The following MALRD1 variants were observed in gnomAD, a reference collection of about 807,000 sequenced individuals.
The protein encoded by MALRD1 is MAM and LDL receptor class A domain containing 1.
In MALRD1, 247 loss-of-function variants were observed where a neutral mutation model predicts 242.1. The ratio of observed to expected loss-of-function variants is 1.02; its 90% CI spans 0.92 to 1.13. The LOEUF (loss-of-function observed/expected upper bound fraction) is 1.13. Ranked by LOEUF, MALRD1 falls within the 50% of genes most tolerant of loss-of-function variation. The pLI is 0.00. For missense variants in MALRD1, 2,989 were observed against 2,533.1 expected (o/e 1.18, Z -3.86); for synonymous variants, 995 against 866.6 (o/e 1.15, Z -2.60).
At chr10:19,128,179 T>G (rs2131392424) in intron 7 of MALRD1, 42 bp from the exon 8 acceptor site, 1 of 1,202,902 alleles carries the variant, frequency 8.3e-7, no homozygotes, top group Non-Finnish European at 1.0e-6. Context: ...AGAAAGAAGC[T>G]AATGTTTTCC....
At chr10:19,726,141 A>T (rs572364211) in intron 38 of MALRD1, among the ~76,000 whole-genome samples, 1 of 152,232 alleles carries the variant, frequency 6.6e-6, no homozygotes, top group Non-Finnish European at 1.5e-5. Context: ...GCAACAAAAG[A>T]CATTATCAAG....
intron 36 of MALRD1, among the ~76,000 whole-genome samples, chr10:19,689,420 A>G (rs937275070): frequency 2.6e-5 from 4 of 152,194 alleles, no homozygotes; most frequent in Admixed American, 6.5e-5. Flanking sequence ...TGTAATAAAC[A>G]TCACGTGACC....
intron 26 of MALRD1, among the ~76,000 whole-genome samples, chr10:19,362,704 T>C (rs1198453008): frequency 6.6e-6 from 1 of 152,074 alleles, no homozygotes; most frequent in Non-Finnish European, 1.5e-5. Context: ...TTGAGCAAAA[T>C]GGATAAAACC....
chr10:19,695,988 CAT>C (rs1359162314), intron 38 of MALRD1, among the ~76,000 whole-genome samples: 2 of 152,162 alleles, frequency 1.3e-5, no homozygotes, highest in Non-Finnish European at 2.9e-5. Context: ...TCCAATGACA[CAT>C]GAGAATTATT....
Position 19,618,830 on chromosome 10 carries a change from A to G in MALRD1, c.6137+2907A>G, listed in dbSNP as rs74988120. On this transcript the variant is annotated intron_variant, in intron 36 of 39. Coordinates refer to ENST00000454679, the MANE Select transcript of MALRD1 (RefSeq NM_001142308.3). ...TCTTTCTCATTACCTGATTTCTGGG[A>G]TATCACTGCCCATGCCTGTCACTCT... is the stretch of plus-strand genomic sequence containing the variant. Among the ~76,000 whole-genome samples the G allele has an allele frequency of 2.6e-3, 400 of 152,058 alleles. 7 individuals are homozygous for G. The East Asian group carries it at 0.06, about 23-fold the overall frequency.
chr10:19,603,132 A>G (rs1012334730), intron 34 of MALRD1, among the ~76,000 whole-genome samples: 2 of 152,004 alleles, frequency 1.3e-5, no homozygotes, highest in South Asian at 2.1e-4. Context: ...ATTTTCTCCC[A>G]TTCTGTAGGT....
intron 29 of MALRD1, among the ~76,000 whole-genome samples, chr10:19,486,990 G>A (rs922395034): frequency 1.3e-4 from 19 of 151,898 alleles, no homozygotes; most frequent in African/African-American, 4.4e-4. Flanking sequence ...TATTTTCCAC[G>A]GCCTTCATAG....
chr10:19,163,107 C>CAGCCTGA (rs1834504837), intron 12 of MALRD1, among the ~76,000 whole-genome samples: 1 of 128,906 alleles, frequency 7.8e-6, no homozygotes, highest in African/African-American at 3.0e-5. Context: ...CACTGCACTC[C>CAGCCTGA]AGCCTGAACA....
intron 18 of MALRD1, among the ~76,000 whole-genome samples, chr10:19,247,484 C>T (rs1018077814): frequency 2.6e-5 from 4 of 151,574 alleles, no homozygotes; most frequent in Admixed American, 2.6e-4. Context: ...AGGCTAATGC[C>T]TTATTGTAAG....
At chr10:19,210,791 C>A (rs1047000671) in intron 18 of MALRD1, among the ~76,000 whole-genome samples, 1 of 152,114 alleles carries the variant, frequency 6.6e-6, no homozygotes, top group African/African-American at 2.4e-5. Flanking sequence ...AGCATGAGAA[C>A]GAATCCCCCA....
intron 18 of MALRD1, among the ~76,000 whole-genome samples, chr10:19,238,276 T>C (rs577719854): frequency 3.8e-5 from 3 of 79,654 alleles, no homozygotes; most frequent in South Asian, 8.0e-4. Flanking sequence ...ATATATAATA[T>C]GTAATATACA....
At chr10:19,158,107 T>C (rs1834243921) in intron 12 of MALRD1, among the ~76,000 whole-genome samples, 1 of 152,246 alleles carries the variant, frequency 6.6e-6, no homozygotes, top group African/African-American at 2.4e-5. Context: ...ATCTTACTGC[T>C]GTTGAAATGC....
intron 18 of MALRD1, among the ~76,000 whole-genome samples, chr10:19,241,738 T>A (rs1301234300): frequency 6.6e-6 from 1 of 152,138 alleles, no homozygotes; most frequent in Non-Finnish European, 1.5e-5. Context: ...TTCCATAGGT[T>A]TGGGTATGTT....
At chr10:19,204,499 T>C in intron 16 of MALRD1, 86 bp downstream of exon 16, 1 of 832,034 alleles carries the variant, frequency 1.2e-6, no homozygotes, top group East Asian at 2.8e-5. Context: ...CACTTATTCA[T>C]TTCTGTGGTT....
chr10:19,447,734 A>C (rs1210654860), intron 28 of MALRD1, among the ~76,000 whole-genome samples: 1 of 85,284 alleles, frequency 1.2e-5, no homozygotes, highest in Non-Finnish European at 2.8e-5. Flanking sequence ...TAGGAGTCAG[A>C]TAGACCACCC....
Position 19,270,066 on chromosome 10 carries a change from G to A in MALRD1, c.3080-9981G>A, listed in dbSNP as rs185805367. On this transcript the variant is annotated intron_variant, in intron 19 of 39. Coordinates refer to ENST00000454679, the MANE Select transcript of MALRD1 (RefSeq NM_001142308.3). ...GTGGTGGCTCATGCCTGTAATCCCA[G>A]GACTTTGGGAGGCCGAGGCGAGTGG... 2.0e-5 allele frequency among the ~76,000 whole-genome samples: 3 copies of A among 152,252 alleles called. No individual in the cohort carries two copies. In the East Asian group the frequency reaches 5.8e-4, roughly 29 times the overall value.
In MALRD1 at chr10:19,327,598, G is replaced by C; in HGVS notation, c.3612G>C (p.Leu1204Phe). Reference sequence around the variant, plus strand: ...AGAAAGATAACGTTACTTCTAAATTGTGGGCTCAAACTGGACAGCAAGGTG... The same window carrying C: ...AGAAAGATAACGTTACTTCTAAATTCTGGGCTCAAACTGGACAGCAAGGTG... ...LIKKDNVTSK[L>F]WAQTGQQGAQ... Residue 1204 changes from leucine to phenylalanine, a missense_variant, in exon 23 of 40, where the codon TTG becomes TTC. Leu to Phe is a conservative substitution (Grantham distance 22). Transcript: ENST00000454679. 6.5e-7 allele frequency: 1 copy of C among 1,549,750 alleles called. No homozygotes were observed. The highest frequency in any genetic ancestry group is 2.4e-5 in the East Asian group (1 of 40,922).
At chr10:19,661,690 C>G (rs539786883) in intron 36 of MALRD1, among the ~76,000 whole-genome samples, 1 of 151,958 alleles carries the variant, frequency 6.6e-6, no homozygotes, top group African/African-American at 2.4e-5. Flanking sequence ...TGTTAAATGA[C>G]GAGTTAATGG....
intron 28 of MALRD1, among the ~76,000 whole-genome samples, chr10:19,402,771 A>G (rs1846926329): frequency 6.6e-6 from 1 of 152,086 alleles, no homozygotes; most frequent in Admixed American, 6.6e-5. Flanking sequence ...CCTTTGTTAA[A>G]TCCATATCTT....
Sources: allele counts gnomAD v4.1 joint callset (sites outside exome capture counted in the v4.1 genomes callset), GRCh38; gene constraint gnomAD v4.1.1; transcripts MANE v1.5; gene names NCBI Gene and HGNC (gene_info 2026-07-23, HGNC 2026-07-21).